Variants in YARS1 observed in about 807,000 individuals in gnomAD.
YARS1 encodes the protein tyrosyl-tRNA synthetase 1.
A neutral mutation model predicts 62.2 loss-of-function variants in YARS1; 36 were observed. That is an observed-to-expected ratio of 0.58 (90% CI 0.44 to 0.76). The LOEUF is 0.76. YARS1 is among the 30% of genes least tolerant of loss of function. The probability of loss-of-function intolerance (pLI) is 0.00; values close to 1 mark genes in which losing one functional copy is unlikely to be tolerated. For synonymous variants in YARS1, 234 were observed against 244.9 expected, an observed-to-expected ratio of 0.96 and a Z score of 0.42; for missense variants, 524 against 639.8, an observed-to-expected ratio of 0.82 and a Z score of 1.95.
At chr1:32,779,970 A>C in intron 11 of YARS1, 115 bp downstream of exon 11, 1 of 1,271,418 alleles carries the variant, frequency 7.9e-7, no homozygotes, top group Non-Finnish European at 1.1e-6. Flanking sequence ...TCAGCAAGGA[A>C]GAGGCACGTG....
At chr1:32,811,538 T>G (rs1638586314) in intron 1 of YARS1, 2 of 189,978 alleles carry the variant, frequency 1.1e-5, no homozygotes, top group East Asian at 2.6e-4. Flanking sequence ...CTGTTTGTTT[T>G]CCCGTAACCA....
intron 5 of YARS1, among the ~76,000 whole-genome samples, chr1:32,791,768 C>A (rs1049624676): frequency 1.3e-5 from 2 of 152,140 alleles, no homozygotes; most frequent in Admixed American, 6.6e-5. Context: ...TGCCATTGCA[C>A]TCCAGCCTGG....
Position 32,805,710 on chromosome 1 carries a change from C to T in YARS1, c.510+772G>A, listed in dbSNP as rs552062876. The stretch of plus-strand genomic sequence containing the variant: ...GGCACGGTAGCTCACGTCTATAATC[C>T]CAGCACTGTGGGAGGCCAAGGTGGG... On this transcript the variant is annotated intron_variant, in intron 4 of 12. Coordinates refer to ENST00000373477, the MANE Select transcript of YARS1 (RefSeq NM_003680.4). Among the ~76,000 whole-genome samples, 5 of 152,186 alleles carry T rather than the reference C, an allele frequency of 3.3e-5. No homozygotes were observed. In the South Asian group the frequency reaches 1.0e-3, roughly 32 times the overall value.
At chr1:32,779,951 C>G in intron 11 of YARS1, 134 bp downstream of exon 11, 1 of 1,025,272 alleles carries the variant, frequency 9.8e-7, no homozygotes. Context: ...CATGCATCAA[C>G]TTTTGGCATC....
chr1:32,785,463 A>G (rs1231754919), intron 8 of YARS1, among the ~76,000 whole-genome samples: 3 of 151,446 alleles, frequency 2.0e-5, no homozygotes, highest in African/African-American at 7.3e-5. Flanking sequence ...TCTGTCTCAA[A>G]AAAAAAAAAC....
rs545372155 is a variant in YARS1, at chr1:32,797,119, C to G, written c.591+644G>C. Among the ~76,000 whole-genome samples, 4 of 143,036 alleles carry G rather than the reference C, an allele frequency of 2.8e-5. No individual in the cohort carries two copies. In the South Asian group the frequency reaches 9.0e-4, roughly 32 times the overall value. The allele number at this position is 143,036 out of a possible 152,430, so 93.8% of individuals were successfully genotyped here. On this transcript the variant is annotated intron_variant, in intron 5 of 12. Coordinates refer to ENST00000373477, the MANE Select transcript of YARS1 (RefSeq NM_003680.4). ...AGGCACAGTGGATCTCACCTATAAT[C>G]CCAGCACTTTGGGAGGCCAAGGCAG... is the stretch of plus-strand genomic sequence containing the variant.
At chr1:32,799,670 C>T (rs1653713196) in intron 4 of YARS1, among the ~76,000 whole-genome samples, 1 of 152,110 alleles carries the variant, frequency 6.6e-6, no homozygotes, top group Admixed American at 6.6e-5. Flanking sequence ...CTGTGCTGTC[C>T]AATATAGTAG....
chr1:32,803,948 G>A (rs530231977), intron 4 of YARS1, among the ~76,000 whole-genome samples: 43 of 152,220 alleles, frequency 2.8e-4, no homozygotes, highest in East Asian at 1.2e-3. Context: ...GACTCTTAAC[G>A]AGCATGCTGC....
intron 1 of YARS1, among the ~76,000 whole-genome samples, chr1:32,816,064 G>A (rs1438091231): frequency 6.7e-6 from 1 of 150,280 alleles, no homozygotes; most frequent in Non-Finnish European, 1.5e-5. Context: ...AGCCGAGATT[G>A]GGCCACTGCA....
rs764170345 is a variant in YARS1 at position 32,810,640 on chromosome 1, G to A, written c.331C>T (p.Pro111Ser). Residue 111 changes from proline to serine, a missense_variant, in exon 3 of 13, where the codon CCC becomes TCC. Pro to Ser is a moderately conservative substitution (Grantham distance 74). Transcript: ENST00000373477. ...TTGATGAACTTGAGCTTCTCCAAGG[G>A]CACACCAATGCTCTCCAGCATTGCT... is the stretch of plus-strand genomic sequence containing the variant. ...IKAMLESIGV[P>S]LEKLKFIKGT... 1.2e-6 allele frequency: 2 copies of A among 1,613,766 alleles called. No homozygotes were observed. Among genetic ancestry groups the A allele is most frequent in the East Asian group, 4.5e-5 (2 of 44,886 alleles).
At chr1:32,781,307 C>T (rs1313685006) in intron 9 of YARS1, 162 bp from the exon 10 acceptor site, 2 of 677,458 alleles carry the variant, frequency 3.0e-6, no homozygotes, top group Non-Finnish European at 5.4e-6. Context: ...GGCAACCTTT[C>T]AGACATGACA....
At chr1:32,804,722 G>T (rs186389387) in intron 4 of YARS1, among the ~76,000 whole-genome samples, 1 of 151,376 alleles carries the variant, frequency 6.6e-6, no homozygotes, top group African/African-American at 2.4e-5. Context: ...GATGGCGGCC[G>T]GGAAGATGCG....
chr1:32,795,491 GT>G (rs1653553152), intron 5 of YARS1, among the ~76,000 whole-genome samples: 1 of 152,176 alleles, frequency 6.6e-6, no homozygotes, highest in South Asian at 2.1e-4. Context: ...TGGGCAAACT[GT>G]TTTAGAAAGG....
chr1:32,791,503 C>T (rs1253922577), intron 5 of YARS1, among the ~76,000 whole-genome samples: 1 of 152,076 alleles, frequency 6.6e-6, no homozygotes, highest in African/African-American at 2.4e-5. Flanking sequence ...GCTGGAAATA[C>T]ATAAAACAAC....
chr1:32,782,513 A>G lies in YARS1; in HGVS notation c.933T>C (p.Asn311=). ...ACTTGTTCAGTGCGACTTCAACAGAATTCTTCAGGTCTCCAGGATGTACAA... is the reference window on the plus strand; with the variant it reads ...ACTTGTTCAGTGCGACTTCAACAGAGTTCTTCAGGTCTCCAGGATGTACAA... ...AEVVHPGDLK[N]SVEVALNKLL... The change falls in exon 9 of 13, where the codon AAT becomes AAC. Residue 311 remains asparagine, a synonymous_variant. Transcript: ENST00000373477. The G allele has an allele frequency of 6.2e-7, 1 of 1,614,156 alleles. No individual in the cohort carries two copies. Among genetic ancestry groups the G allele is most frequent in the Non-Finnish European group, 8.5e-7 (1 of 1,180,036 alleles).
intron 5 of YARS1, among the ~76,000 whole-genome samples, chr1:32,794,196 A>G (rs1653500048): frequency 6.6e-6 from 1 of 151,998 alleles, no homozygotes; most frequent in South Asian, 2.1e-4. Context: ...CTAAAAATAC[A>G]AAAATTAGCC....
chr1:32,800,484 T>G (rs959129427), intron 4 of YARS1, among the ~76,000 whole-genome samples: 2 of 152,048 alleles, frequency 1.3e-5, no homozygotes, highest in African/African-American at 4.8e-5. Flanking sequence ...TACAAAAAAT[T>G]TAATTAAAAA....
At chr1:32,783,941 T>C (rs527312519) in intron 8 of YARS1, among the ~76,000 whole-genome samples, 1 of 152,278 alleles carries the variant, frequency 6.6e-6, no homozygotes, top group East Asian at 1.9e-4. Flanking sequence ...CAGAAAGTAC[T>C]GTTGGATAAC....
At chr1:32,779,205 A>T (rs977405329) in intron 12 of YARS1, among the ~76,000 whole-genome samples, 177 bp downstream of exon 12, 2 of 151,918 alleles carry the variant, frequency 1.3e-5, no homozygotes, top group African/African-American at 2.4e-5. Context: ...AGGTCCTAAG[A>T]CCCCCATGCT....
Sources: gnomAD v4.1 joint callset for allele counts (sites outside exome capture counted in the v4.1 genomes callset) on GRCh38, gnomAD v4.1.1 for gene constraint, MANE v1.5 for transcripts, NCBI Gene and HGNC (gene_info 2026-07-23, HGNC 2026-07-21) for gene names.